VIPR1: variants seen among roughly 807,000 people sequenced by gnomAD.
VIPR1 encodes vasoactive intestinal polypeptide receptor 1.
In VIPR1, 59 loss-of-function variants were observed where a neutral mutation model predicts 58.8. The observed-to-expected ratio is 1.00, with a 90% CI of 0.81 to 1.25. VIPR1 has a LOEUF of 1.25. VIPR1 is among the 50% of genes most tolerant of loss of function. The pLI is 0.00. For missense variants in VIPR1, 626 were observed against 602.7 expected (o/e 1.04, Z -0.40); for synonymous variants, 251 against 242.1 (o/e 1.04, Z -0.34).
chr3:42,509,141 C>T (rs1278002748), intron 1 of VIPR1: 1 of 152,212 alleles, frequency 6.6e-6, no homozygotes, highest in Non-Finnish European at 1.5e-5. Context: ...CATGGAGGCT[C>T]TGCATGCTTG....
At chr3:42,527,323 C>A (rs1019521934) in intron 4 of VIPR1, 70 bp from the exon 5 acceptor site, 1 of 1,426,610 alleles carries the variant, frequency 7.0e-7, no homozygotes, top group Non-Finnish European at 9.8e-7. Context: ...GGGCACCCCA[C>A]CCCTGCCAAT....
rs971323327 is a variant in VIPR1 at position 42,532,580 on chromosome 3, G to A, written c.1010+247G>A. On this transcript the variant is annotated intron_variant, in intron 10 of 12. Transcript: ENST00000325123. ...CACACTCACCTAGCATCCTTCCCAGGTATGCATCTGCTGCCAAGCCAGGGA... is the reference window on the plus strand; with the variant it reads ...CACACTCACCTAGCATCCTTCCCAGATATGCATCTGCTGCCAAGCCAGGGA... 8 of 577,168 alleles carry A rather than the reference G, an allele frequency of 1.4e-5. No individual in the cohort carries two copies. The African/African-American group carries it at 1.5e-4, about 11-fold the overall frequency. The allele number at this position is 577,168 out of a possible 1,614,324, so 35.8% of individuals were successfully genotyped here.
At position 42,536,100 on chromosome 3, in the gene VIPR1, A is replaced by G. The variant is rs1398364470; in HGVS notation, c.1193A>G (p.Glu398Gly). Reference protein sequence around the residue: ...YCFLNGEVQAELRRKWRRWHL... With the variant: ...YCFLNGEVQAGLRRKWRRWHL... The stretch of plus-strand genomic sequence containing the variant: ...CTTCCCCTCTCCTAGGTGCAGGCGG[A>G]GCTGAGGCGGAAGTGGCGGCGCTGG... Residue 398 changes from glutamate (E) to glycine (G), a missense_variant, in exon 13 of 13, where the codon GAG (glutamate) becomes GGG (glycine). Coordinates refer to ENST00000325123, the MANE Select transcript of VIPR1 (RefSeq NM_004624.4). 1 of 1,602,010 alleles carries G rather than the reference A, an allele frequency of 6.2e-7. No homozygotes were observed. Among genetic ancestry groups the G allele is most frequent in the Non-Finnish European group, 8.5e-7 (1 of 1,174,854 alleles).
chr3:42,495,066 C>T (rs766869605), intron 1 of VIPR1, among the ~76,000 whole-genome samples: 6 of 151,532 alleles, frequency 4.0e-5, no homozygotes, highest in Non-Finnish European at 7.4e-5. Flanking sequence ...CCCAAATATC[C>T]GTCACCCAGT....
At chr3:42,519,366 G>A (rs1371888429) in intron 3 of VIPR1, 36 bp downstream of exon 3, 1 of 1,552,872 alleles carries the variant, frequency 6.4e-7, no homozygotes, top group East Asian at 2.4e-5. Context: ...ATGTGAGTGG[G>A]GCCGGCTGGA....
In VIPR1 at chr3:42,534,974, G is replaced by C; in HGVS notation, c.1011-1G>C. On this transcript the variant is annotated splice_acceptor_variant, in intron 10 of 12. Coordinates refer to ENST00000325123, the MANE Select transcript of VIPR1 (RefSeq NM_004624.4). LOFTEE classifies it high-confidence loss of function. ...ATGGCCTGTCCCTCCCCTGTCTCCAGAAGGCTAGCCAGGTCCACACTCCTG... is the reference window on the plus strand; with the variant it reads ...ATGGCCTGTCCCTCCCCTGTCTCCACAAGGCTAGCCAGGTCCACACTCCTG... The C allele has an allele frequency of 6.2e-7, 1 of 1,614,132 alleles. No individual in the cohort carries two copies.
intron 1 of VIPR1, chr3:42,512,621 C>A: frequency 2.0e-6 from 1 of 490,704 alleles, no homozygotes; most frequent in Non-Finnish European, 2.6e-6. Context: ...AACTGAGGCC[C>A]AGGGAGGTAA....
At chr3:42,511,750 G>A (rs1399417216) in intron 1 of VIPR1, 1 of 152,216 alleles carries the variant, frequency 6.6e-6, no homozygotes, top group African/African-American at 2.4e-5. Context: ...AGGCAAGACA[G>A]ACCAATGATG....
intron 1 of VIPR1, among the ~76,000 whole-genome samples, chr3:42,497,591 G>T (rs2125625385): frequency 6.6e-6 from 1 of 152,284 alleles, no homozygotes; most frequent in African/African-American, 2.4e-5. Flanking sequence ...GATACGGTTT[G>T]GCTGTGTCGC....
intron 1 of VIPR1, among the ~76,000 whole-genome samples, chr3:42,504,854 T>G (rs532201055): frequency 5.1e-5 from 7 of 137,722 alleles, no homozygotes; most frequent in African/African-American, 1.9e-4. Context: ...CTCCTGTTTA[T>G]GGTGCCCTGA....
At chr3:42,508,589 C>G (rs192652103) in intron 1 of VIPR1, among the ~76,000 whole-genome samples, 2 of 152,220 alleles carry the variant, frequency 1.3e-5, no homozygotes, top group Non-Finnish European at 2.9e-5. Context: ...TCCCATCACC[C>G]TAGCAGGCTG....
At chr3:42,532,181 G>A in intron 9 of VIPR1, 61 bp from the exon 10 acceptor site, 1 of 1,507,244 alleles carries the variant, frequency 6.6e-7, no homozygotes, top group Non-Finnish European at 9.2e-7. Flanking sequence ...CAGCAGTCAA[G>A]GGGCCTGAAC....
At chr3:42,490,667 C>T (rs1176626651) in intron 1 of VIPR1, among the ~76,000 whole-genome samples, 1 of 151,974 alleles carries the variant, frequency 6.6e-6, no homozygotes, top group Admixed American at 6.6e-5. Flanking sequence ...GACACAATAC[C>T]TTGGAAGGTG....
chr3:42,534,853 A>C (rs1258826373), intron 10 of VIPR1, 122 bp from the exon 11 acceptor site: 1 of 1,299,522 alleles, frequency 7.7e-7, no homozygotes. Flanking sequence ...CCTACAGTCC[A>C]TCCTCATACT....
At chr3:42,533,959 G>A (rs942092608) in intron 10 of VIPR1, 1 of 152,386 alleles carries the variant, frequency 6.6e-6, no homozygotes, top group Non-Finnish European at 1.5e-5. Flanking sequence ...ACCTCTCCTA[G>A]CCAGGGAGCA....
chr3:42,493,529 G>A (rs1330457634), intron 1 of VIPR1, among the ~76,000 whole-genome samples: 1 of 152,200 alleles, frequency 6.6e-6, no homozygotes, highest in Non-Finnish European at 1.5e-5. Flanking sequence ...CTGCAGTGGG[G>A]GACAGAGGAG....
chr3:42,530,554 G>C lies in VIPR1; in HGVS notation c.637-225G>C, dbSNP rs1701484143. The C allele has an allele frequency of 1.3e-5, 7 of 530,246 alleles. No homozygotes were observed. In the South Asian group the frequency reaches 1.9e-4, roughly 14 times the overall value. The allele number at this position is 530,246 out of a possible 1,614,324, so 32.8% of individuals were successfully genotyped here. A position where few individuals can be genotyped will look rare whatever the true frequency, so the allele number is the denominator to read the frequency against. The stretch of plus-strand genomic sequence containing the variant: ...AGATGGGAAGGTGAATAGATGAATT[G>C]ATGGATGGATAATTAAAATCACCAG... On this transcript the variant is annotated intron_variant, in intron 6 of 12. Transcript: ENST00000325123.
chr3:42,498,060 C>G (rs1280367069), upstream of VIPR1, among the ~76,000 whole-genome samples: 4 of 152,140 alleles, frequency 2.6e-5, no homozygotes, highest in Admixed American at 6.5e-5. Context: ...ACCTAGGTCC[C>G]CTCTTCCTCT....
intron 7 of VIPR1, 39 bp downstream of exon 7, chr3:42,530,971 G>A (rs769520821): frequency 6.2e-7 from 1 of 1,610,444 alleles, no homozygotes; most frequent in East Asian, 2.2e-5. Flanking sequence ...GGGGACAGAG[G>A]GGGCAAGGCC....
Sources: gnomAD v4.1 joint callset for allele counts (sites outside exome capture counted in the v4.1 genomes callset) on GRCh38, gnomAD v4.1.1 for gene constraint, MANE v1.5 for transcripts, NCBI Gene and HGNC (gene_info 2026-07-23, HGNC 2026-07-21) for gene names.